CTNND2: variants seen among roughly 807,000 people sequenced by gnomAD.
CTNND2 encodes catenin delta 2, also known as catenin delta-2.
A neutral mutation model predicts 144.4 loss-of-function variants in CTNND2; 22 were observed. That is an observed-to-expected ratio of 0.15 (90% CI 0.11 to 0.22). The LOEUF is 0.22. CTNND2 is among the 10% of genes least tolerant of loss of function. The pLI is 1.00. For missense variants in CTNND2, 1,353 were observed against 1,618.8 expected, an observed-to-expected ratio of 0.84 and a Z score of 2.82; for synonymous variants, 751 against 695.6, an observed-to-expected ratio of 1.08 and a Z score of -1.25.
At chr5:11,110,231 T>G (rs570761528) in intron 14 of CTNND2, among the ~76,000 whole-genome samples, 49 of 152,260 alleles carry the variant, frequency 3.2e-4, no homozygotes, top group African/African-American at 1.2e-3. Context: ...CAGGGGAACC[T>G]ACTTCCCGCT....
At chr5:11,355,835 A>G (rs1174752850) in intron 8 of CTNND2, among the ~76,000 whole-genome samples, 1 of 152,132 alleles carries the variant, frequency 6.6e-6, no homozygotes, top group Non-Finnish European at 1.5e-5. Flanking sequence ...AATGAATTCA[A>G]TAATACTGCA....
intron 8 of CTNND2, among the ~76,000 whole-genome samples, chr5:11,357,679 G>A (rs867114038): frequency 3.3e-5 from 5 of 152,004 alleles, no homozygotes; most frequent in Admixed American, 1.3e-4. Flanking sequence ...TAGAAGAGAG[G>A]CTTTTGAATG....
chr5:11,158,378 C>T (rs938155127), intron 12 of CTNND2, among the ~76,000 whole-genome samples: 25 of 152,130 alleles, frequency 1.6e-4, no homozygotes, highest in African/African-American at 5.8e-4. Context: ...GAAATGGATG[C>T]CTCAGTAGGG....
intron 2 of CTNND2, among the ~76,000 whole-genome samples, chr5:11,675,042 C>G (rs1388570893): frequency 6.6e-6 from 1 of 152,062 alleles, no homozygotes; most frequent in Non-Finnish European, 1.5e-5. Flanking sequence ...AGGTTGCATT[C>G]CCCCAGCAGA....
At chr5:11,650,725 T>C (rs1782605179) in intron 2 of CTNND2, among the ~76,000 whole-genome samples, 1 of 152,194 alleles carries the variant, frequency 6.6e-6, no homozygotes, top group Non-Finnish European at 1.5e-5. Context: ...GGTGGCACTG[T>C]GTTTCTGCCC....
intron 3 of CTNND2, among the ~76,000 whole-genome samples, chr5:11,477,520 T>C (rs1265414588): frequency 6.6e-6 from 1 of 152,016 alleles, no homozygotes; most frequent in Admixed American, 6.6e-5. Flanking sequence ...CAAGTGATCC[T>C]CCCACCTCAG....
chr5:11,683,798 G>A (rs1159484334), intron 2 of CTNND2, among the ~76,000 whole-genome samples: 1 of 152,210 alleles, frequency 6.6e-6, no homozygotes, highest in Admixed American at 6.5e-5. Flanking sequence ...ATATAAAGCT[G>A]CAGGCAGCAT....
In CTNND2 at chr5:11,022,870, T is replaced by G. The variant is rs1228891724; in HGVS notation, c.2898A>C (p.Thr966=). ...TGTTCTTGGTAATCACTTCGTGCAG[T>G]GTGCAGCAGACAGCTGTCACTGTGT... is the stretch of plus-strand genomic sequence containing the variant. ...SDDTVTAVCC[T]LHEVITKNME... Residue 966 remains threonine (T), a synonymous_variant, in exon 17 of 22, where the codon ACA becomes ACC. Coordinates refer to ENST00000304623, the MANE Select transcript of CTNND2 (RefSeq NM_001332.4). 6.2e-7 allele frequency: 1 copy of G among 1,614,228 alleles called. No homozygotes were observed. The highest frequency in any genetic ancestry group is 1.7e-5 in the Admixed American group (1 of 60,034).
chr5:11,800,142 A>C (rs533446896), intron 1 of CTNND2, among the ~76,000 whole-genome samples: 16 of 152,334 alleles, frequency 1.1e-4, no homozygotes, highest in African/African-American at 3.8e-4. Context: ...TATATATTAA[A>C]AAGTCTGAAA....
At chr5:11,561,004 A>G (rs1393494119) in intron 3 of CTNND2, among the ~76,000 whole-genome samples, 1 of 152,204 alleles carries the variant, frequency 6.6e-6, no homozygotes, top group East Asian at 1.9e-4. Flanking sequence ...GTACTCAGGC[A>G]GGTCTCCAGG....
At chr5:11,503,758 G>A (rs2150012980) in intron 3 of CTNND2, among the ~76,000 whole-genome samples, 1 of 152,270 alleles carries the variant, frequency 6.6e-6, no homozygotes, top group Admixed American at 6.5e-5. Flanking sequence ...AAACTGGTTT[G>A]TTCATACTTC....
chr5:11,666,926 C>T (rs1783598482), intron 2 of CTNND2, among the ~76,000 whole-genome samples: 1 of 151,860 alleles, frequency 6.6e-6, no homozygotes, highest in African/African-American at 2.4e-5. Flanking sequence ...CCAGCCCCCA[C>T]CCCCTGACAG....
At chr5:11,552,288 T>C (rs1775828971) in intron 3 of CTNND2, among the ~76,000 whole-genome samples, 1 of 152,206 alleles carries the variant, frequency 6.6e-6, no homozygotes, top group South Asian at 2.1e-4. Flanking sequence ...CAAGTTTTAG[T>C]CAAACTGGAA....
Position 11,861,882 on chromosome 5 carries a change from T to A in CTNND2, c.37+41935A>T, listed in dbSNP as rs201549724. 2.8e-4 allele frequency among the ~76,000 whole-genome samples: 43 copies of A among 152,300 alleles called. No homozygotes were observed. In the East Asian group the frequency reaches 8.3e-3, roughly 29 times the overall value. On this transcript the variant is annotated intron_variant, in intron 1 of 21. Coordinates refer to ENST00000304623, the MANE Select transcript of CTNND2 (RefSeq NM_001332.4). ...GCATTCTCACACCTTAGGGACCCAA[T>A]TTACTGTATCTACAAGGCTCCCATC...
At chr5:11,323,376 C>G (rs1163581029) in intron 9 of CTNND2, among the ~76,000 whole-genome samples, 1 of 152,094 alleles carries the variant, frequency 6.6e-6, no homozygotes, top group African/African-American at 2.4e-5. Context: ...CCCACATACT[C>G]TGGCTCTTAA....
At chr5:11,293,342 G>C (rs1035769970) in intron 9 of CTNND2, among the ~76,000 whole-genome samples, 7 of 152,086 alleles carry the variant, frequency 4.6e-5, no homozygotes, top group African/African-American at 1.7e-4. Flanking sequence ...TTCCCTTAAG[G>C]TGCTCTTTGG....
At chr5:11,880,109 A>C (rs894399195) in intron 1 of CTNND2, among the ~76,000 whole-genome samples, 6 of 152,150 alleles carry the variant, frequency 3.9e-5, no homozygotes, top group Non-Finnish European at 8.8e-5. Context: ...ACCGGGAATT[A>C]TTTGTTAAAG....
At chr5:11,200,080 A>G (rs373359364) in intron 10 of CTNND2, among the ~76,000 whole-genome samples, 90 of 152,356 alleles carry the variant, frequency 5.9e-4, no homozygotes, top group African/African-American at 2.1e-3. Flanking sequence ...TGTTAAAATT[A>G]TGCTTAATAG....
chr5:11,048,959 C>T (rs973233086), intron 16 of CTNND2, among the ~76,000 whole-genome samples: 4 of 152,192 alleles, frequency 2.6e-5, no homozygotes, highest in Non-Finnish European at 4.4e-5. Flanking sequence ...GCTCTGGCCT[C>T]CACCCACTAG....
Sources: gnomAD v4.1 joint callset for allele counts (sites outside exome capture counted in the v4.1 genomes callset) on GRCh38, gnomAD v4.1.1 for gene constraint, MANE v1.5 for transcripts, NCBI Gene and HGNC (gene_info 2026-07-23, HGNC 2026-07-21) for gene names.